TENM3: variants seen among roughly 807,000 people sequenced by gnomAD.
TENM3 encodes teneurin-3.
TENM3 carries 63 observed loss-of-function variants against 255.1 expected under a neutral mutation model. The observed-to-expected ratio is 0.25, with a 90% confidence interval of 0.20 to 0.30. The LOEUF (loss-of-function observed/expected upper bound fraction) is 0.30, where lower values mean the gene tolerates loss of function less well. Among genes scored for constraint, TENM3 ranks in the 10% least tolerant of loss-of-function variants. The probability of loss-of-function intolerance (pLI) is 1.00; values close to 1 mark genes in which losing one functional copy is unlikely to be tolerated. For synonymous variants in TENM3, 1,306 were observed against 1,322.3 expected, an observed-to-expected ratio of 0.99 and a Z score of 0.27; for missense variants, 2,929 against 3,461.1, an observed-to-expected ratio of 0.85 and a Z score of 3.86.
chr4:181,690,594 A>T, the TENM3 span, among the ~76,000 whole-genome samples: 93 of 152,254 alleles, frequency 6.1e-4, 1 homozygote, highest in African/African-American at 2.0e-3. Context: ...TGTGACACTC[A>T]CTCATCTGAA....
intron 3 of TENM3, among the ~76,000 whole-genome samples, chr4:182,490,449 C>G (rs1240195397): frequency 6.6e-6 from 1 of 152,052 alleles, no homozygotes; most frequent in African/African-American, 2.4e-5. Flanking sequence ...AGGGACAGTG[C>G]TGGGTGACAG....
At chr4:181,462,018 G>A in the TENM3 span, among the ~76,000 whole-genome samples, 2 of 152,098 alleles carry the variant, frequency 1.3e-5, no homozygotes, top group African/African-American at 4.8e-5. Context: ...CTTGTCCTGG[G>A]TACAGTTCAG....
chr4:181,844,524 C>A, the TENM3 span, among the ~76,000 whole-genome samples: 5 of 151,832 alleles, frequency 3.3e-5, no homozygotes, highest in Admixed American at 1.3e-4. Flanking sequence ...AAAAATTAGC[C>A]GGGAGTGGTG....
chr4:182,102,076 T>C, the TENM3 span, among the ~76,000 whole-genome samples: 2 of 152,148 alleles, frequency 1.3e-5, no homozygotes, highest in Admixed American at 1.3e-4. Context: ...TCAGGAACAA[T>C]AGCTGACACT....
intron 3 of TENM3, among the ~76,000 whole-genome samples, chr4:182,402,523 A>G (rs58751798): frequency 0.063 from 9,561 of 152,284 alleles, 392 homozygotes; most frequent in East Asian, 0.16. Flanking sequence ...AAACATGGGC[A>G]CATTCATGGC....
chr4:182,200,516 C>T (rs1249223102), intron 1 of TENM3, among the ~76,000 whole-genome samples: 3 of 152,152 alleles, frequency 2.0e-5, no homozygotes, highest in African/African-American at 7.2e-5. Flanking sequence ...ACAGATTTGC[C>T]TTTTAATGGG....
intron 3 of TENM3, among the ~76,000 whole-genome samples, chr4:182,462,786 C>A (rs192911415): frequency 6.6e-6 from 1 of 151,914 alleles, no homozygotes; most frequent in East Asian, 2.0e-4. Flanking sequence ...ACTTGGAAGG[C>A]TGAGGCAGGA....
intron 3 of TENM3, among the ~76,000 whole-genome samples, chr4:182,455,553 CTTTTTTTTTTTT>C (rs568361419): frequency 1.4e-5 from 1 of 73,138 alleles, no homozygotes; most frequent in South Asian, 6.9e-4. Context: ...CATGGTATTT[CTTTTTTTTTTTT>C]TTTTTTTTTT....
chr4:181,793,230 C>T, the TENM3 span, among the ~76,000 whole-genome samples: 1 of 152,152 alleles, frequency 6.6e-6, no homozygotes, highest in Admixed American at 6.5e-5. Context: ...GCTTAATAGT[C>T]AAAGGCCATG....
intron 16 of TENM3, 77 bp from the exon 17 acceptor site, chr4:182,736,731 T>C (rs758546684): frequency 3.7e-5 from 49 of 1,311,408 alleles, no homozygotes; most frequent in Non-Finnish European, 5.0e-5. Context: ...ATATAGTGAA[T>C]ATGTGCTACA....
chr4:181,856,340 T>A, the TENM3 span, among the ~76,000 whole-genome samples: 1 of 152,236 alleles, frequency 6.6e-6, no homozygotes, highest in Non-Finnish European at 1.5e-5. Flanking sequence ...TCTAAAGCAG[T>A]CCTCGGTATT....
At chr4:181,671,972 G>A in the TENM3 span, among the ~76,000 whole-genome samples, 4 of 152,170 alleles carry the variant, frequency 2.6e-5, no homozygotes, top group South Asian at 8.3e-4. Flanking sequence ...TGTTTTTCCT[G>A]ATAAAAAGAT....
intron 3 of TENM3, among the ~76,000 whole-genome samples, chr4:182,512,602 TTTGA>T (rs1447941503): frequency 6.6e-6 from 1 of 152,174 alleles, no homozygotes; most frequent in Non-Finnish European, 1.5e-5. Flanking sequence ...TTCTAAAACA[TTTGA>T]TTATTACCTT....
At chr4:181,604,828 A>C in the TENM3 span, among the ~76,000 whole-genome samples, 1 of 152,130 alleles carries the variant, frequency 6.6e-6, no homozygotes, top group African/African-American at 2.4e-5. Flanking sequence ...TCTGGGTGAA[A>C]ATGTCCTAGC....
intron 24 of TENM3, among the ~76,000 whole-genome samples, chr4:182,783,154 T>C (rs937782589): frequency 2.0e-5 from 3 of 152,196 alleles, no homozygotes; most frequent in African/African-American, 7.2e-5. Flanking sequence ...CTAGTCTTGA[T>C]GGTCTTTACA....
At position 182,622,256 on chromosome 4, in the gene TENM3, G is replaced by C. The variant is rs77743739; in HGVS notation, c.750-6395G>C. Reference sequence around the variant, plus strand: ...TGCCTTTCATCCCAGCTACTCAGGAGGCTGAGGCTCCTCCCAGGAGGCGGA... The same window carrying C: ...TGCCTTTCATCCCAGCTACTCAGGACGCTGAGGCTCCTCCCAGGAGGCGGA... On this transcript the variant is annotated intron_variant, in intron 4 of 27. Coordinates refer to ENST00000511685, the MANE Select transcript of TENM3 (RefSeq NM_001080477.4). Among the ~76,000 whole-genome samples, 1,324 of 152,116 alleles carry C rather than the reference G, an allele frequency of 8.7e-3. 28 individuals are homozygous for C. Among genetic ancestry groups the C allele is most frequent in the African/African-American group, 0.031 (1,268 of 41,496 alleles).
At chr4:182,068,863 T>C in the TENM3 span, among the ~76,000 whole-genome samples, 1 of 152,082 alleles carries the variant, frequency 6.6e-6, no homozygotes. Context: ...AACTTAATGA[T>C]AATCATTATC....
intron 5 of TENM3, among the ~76,000 whole-genome samples, chr4:182,630,814 T>G (rs6811178): frequency 1 from 151,666 of 151,956 alleles, 75,688 homozygotes; most frequent in Middle Eastern, 1. Flanking sequence ...AGATAAATAT[T>G]CAGGGCTGGA....
rs760690039 is a variant in TENM3, at chr4:182,256,650, G to A, written c.-76+13174G>A. Among the ~76,000 whole-genome samples the A allele has an allele frequency of 8.3e-4, 126 of 152,008 alleles. 1 individual carries two copies. The highest frequency in any genetic ancestry group is 1.2e-3 in the Non-Finnish European group (80 of 68,000). On this transcript the variant is annotated intron_variant, in intron 1 of 27. Coordinates refer to ENST00000511685, the MANE Select transcript of TENM3 (RefSeq NM_001080477.4). Reference sequence around the variant, plus strand: ...CTTTTATCTTGTAAAGTAGCCTTACGTCTTTGATCCACTCGTCCAAAAAAA... The same window carrying A: ...CTTTTATCTTGTAAAGTAGCCTTACATCTTTGATCCACTCGTCCAAAAAAA...
Sources: allele counts gnomAD v4.1 joint callset (sites outside exome capture counted in the v4.1 genomes callset), GRCh38; gene constraint gnomAD v4.1.1; transcripts MANE v1.5; gene names NCBI Gene and HGNC (gene_info 2026-07-23, HGNC 2026-07-21).